Variants in MACO1 observed in about 807,000 individuals in gnomAD.
MACO1 encodes the protein macoilin 1.
In MACO1, 14 loss-of-function variants were observed where a neutral mutation model predicts 78.7. That is an observed-to-expected ratio of 0.18 (90% CI 0.12 to 0.28). MACO1 has a LOEUF of 0.28. Ranked by LOEUF, MACO1 falls within the 10% of genes least tolerant of loss-of-function variation. MACO1 has a pLI of 1.00. For missense variants in MACO1, 501 were observed against 799.0 expected (o/e 0.63, Z 4.50); for synonymous variants, 288 against 291.6 (o/e 0.99, Z 0.12).
chr1:25,435,672 A>G (rs1258354390), intron 1 of MACO1, among the ~76,000 whole-genome samples: 4 of 152,214 alleles, frequency 2.6e-5, no homozygotes, highest in African/African-American at 9.6e-5. Flanking sequence ...TTGCAATCTC[A>G]TAGCCTAAAA....
intron 10 of MACO1, among the ~76,000 whole-genome samples, chr1:25,497,744 A>G (rs775235546): frequency 3.3e-5 from 5 of 152,194 alleles, no homozygotes; most frequent in African/African-American, 4.8e-5. Context: ...GGCCTTGGTT[A>G]TGCTGTATTC....
intron 6 of MACO1, among the ~76,000 whole-genome samples, chr1:25,470,077 G>A (rs1021935316): frequency 1.3e-5 from 2 of 152,120 alleles, no homozygotes; most frequent in African/African-American, 2.4e-5. Flanking sequence ...GAATAGAAAG[G>A]ACTATATTTT....
At chr1:25,472,710 G>T (rs1200386521) in intron 6 of MACO1, among the ~76,000 whole-genome samples, 1 of 152,040 alleles carries the variant, frequency 6.6e-6, no homozygotes, top group South Asian at 2.1e-4. Context: ...TTCAGGCTTT[G>T]GGGGTTCCCC....
At chr1:25,446,358 T>C (rs1214415512) in intron 1 of MACO1, among the ~76,000 whole-genome samples, 1 of 152,138 alleles carries the variant, frequency 6.6e-6, no homozygotes, top group Non-Finnish European at 1.5e-5. Flanking sequence ...AACAGATGTA[T>C]AGGGGTGGGG....
At chr1:25,493,893 G>A (rs1217026719) in intron 10 of MACO1, among the ~76,000 whole-genome samples, 4 of 151,720 alleles carry the variant, frequency 2.6e-5, no homozygotes, top group Admixed American at 6.6e-5. Context: ...CACCACACCC[G>A]GCTAATTTTT....
chr1:25,432,674 GA>G (rs1373567586), intron 1 of MACO1, among the ~76,000 whole-genome samples: 2 of 152,154 alleles, frequency 1.3e-5, no homozygotes, highest in Non-Finnish European at 1.5e-5. Flanking sequence ...TTTGGCTATT[GA>G]AAAATATTTG....
In MACO1 at chr1:25,489,202, G is replaced by A; in HGVS notation, c.1526G>A (p.Arg509Gln). ...GAATGCACCGAAACCTTACGGAATC[G>A]GATCAGAGAACTAGAAGCAGAGGGC... ...RGECTETLRN[R>Q]IRELEAEGKK... Residue 509 changes from arginine to glutamine, a missense_variant, in exon 9 of 11, where the codon CGG becomes CAG. By Grantham distance (43) the Arg-to-Gln change is conservative (BLOSUM62 1). This residue lies in a region of MACO1 where 163 missense variants were observed against 271.9 expected (regional missense o/e 0.60). Coordinates refer to ENST00000374343, the MANE Select transcript of MACO1 (RefSeq NM_018202.6). 3.7e-6 allele frequency: 6 copies of A among 1,613,842 alleles called. No homozygotes were observed. The highest frequency in any genetic ancestry group is 1.3e-5 in the African/African-American group (1 of 75,006).
chr1:25,476,678 C>T (rs1352929707), intron 6 of MACO1, among the ~76,000 whole-genome samples: 1 of 152,156 alleles, frequency 6.6e-6, no homozygotes, highest in Non-Finnish European at 1.5e-5. Context: ...CTGTGTGGTC[C>T]TTAAACAAGT....
chr1:25,486,997 A>C (rs1027636460), intron 8 of MACO1, among the ~76,000 whole-genome samples: 8 of 152,036 alleles, frequency 5.3e-5, no homozygotes, highest in Non-Finnish European at 7.4e-5. Flanking sequence ...GAAAAATTCC[A>C]CTCAGGAGGA....
At chr1:25,450,727 TCTG>T (rs1417528140) in intron 3 of MACO1, among the ~76,000 whole-genome samples, 1 of 152,238 alleles carries the variant, frequency 6.6e-6, no homozygotes, top group Non-Finnish European at 1.5e-5. Flanking sequence ...GGTTCTTTAG[TCTG>T]CTTTCCTCTA....
intron 6 of MACO1, among the ~76,000 whole-genome samples, chr1:25,475,078 C>T (rs1198589096): frequency 6.6e-6 from 1 of 152,224 alleles, no homozygotes; most frequent in Non-Finnish European, 1.5e-5. Context: ...GGGCACTTGG[C>T]TCACGCCTGT....
intron 6 of MACO1, among the ~76,000 whole-genome samples, chr1:25,483,409 T>C (rs2043398392): frequency 6.6e-6 from 1 of 152,222 alleles, no homozygotes; most frequent in Non-Finnish European, 1.5e-5. Context: ...CCAATACCTG[T>C]CACTTAAAGT....
intron 1 of MACO1, among the ~76,000 whole-genome samples, chr1:25,433,470 T>C (rs188147001): frequency 2.0e-5 from 3 of 152,320 alleles, no homozygotes; most frequent in Admixed American, 2.0e-4. Context: ...CTCAACAACA[T>C]GTGGCCAATT....
chr1:25,458,963 T>C, intron 6 of MACO1, 71 bp downstream of exon 6: 3 of 1,525,824 alleles, frequency 2.0e-6, no homozygotes, highest in Non-Finnish European at 2.6e-6. Flanking sequence ...TACTCCCATA[T>C]GGGCCTGTAG....
At chr1:25,462,465 T>G (rs557838338) in intron 6 of MACO1, among the ~76,000 whole-genome samples, 14 of 152,258 alleles carry the variant, frequency 9.2e-5, no homozygotes, top group African/African-American at 3.4e-4. Flanking sequence ...CTCTTCCTCC[T>G]TTTCAAGTCC....
At chr1:25,465,873 T>G (rs554134256) in intron 6 of MACO1, among the ~76,000 whole-genome samples, 1 of 152,372 alleles carries the variant, frequency 6.6e-6, no homozygotes, top group South Asian at 2.1e-4. Context: ...ATCAGGCTTT[T>G]CGCATCTGGC....
At chr1:25,460,230 C>T (rs1420092803) in intron 6 of MACO1, among the ~76,000 whole-genome samples, 1 of 152,100 alleles carries the variant, frequency 6.6e-6, no homozygotes, top group East Asian at 1.9e-4. Context: ...TTTGTTAGGA[C>T]ATTCTGGCCA....
At chr1:25,476,896 C>T (rs895503880) in intron 6 of MACO1, among the ~76,000 whole-genome samples, 24 of 152,130 alleles carry the variant, frequency 1.6e-4, no homozygotes, top group African/African-American at 4.8e-4. Flanking sequence ...CCTCTTATGT[C>T]GTAACACTGA....
In MACO1 at chr1:25,430,899, C is replaced by A. The variant is rs1049936387; in HGVS notation, c.-200C>A. 2.2e-6 allele frequency: 1 copy of A among 463,228 alleles called. No homozygotes were observed. The highest frequency in any genetic ancestry group is 3.8e-6 in the Non-Finnish European group (1 of 260,564). The allele number at this position is 463,228 out of a possible 1,614,324, so 28.7% of individuals were successfully genotyped here. A position where few individuals can be genotyped will look rare whatever the true frequency, so the allele number is the denominator to read the frequency against. On this transcript the variant is annotated 5_prime_UTR_variant, in exon 1 of 11. Transcript: ENST00000374343. ...CTGGGCGGGCGGGCCCCGGAATTGTCATTTCTTTGTTTCCGAAGGCGGAGG... is the reference window on the plus strand; with the variant it reads ...CTGGGCGGGCGGGCCCCGGAATTGTAATTTCTTTGTTTCCGAAGGCGGAGG...
Sources: allele counts gnomAD v4.1 joint callset (sites outside exome capture counted in the v4.1 genomes callset), GRCh38; gene constraint gnomAD v4.1.1; regional missense constraint gnomAD v4.1.1; transcripts MANE v1.5; gene names NCBI Gene and HGNC (gene_info 2026-07-23, HGNC 2026-07-21).